Variants in OLFM1 observed in about 807,000 individuals in gnomAD.
OLFM1 encodes the protein olfactomedin 1, also known as noelin.
A neutral mutation model predicts 49.7 loss-of-function variants in OLFM1; 9 were observed. The observed-to-expected ratio is 0.18, with a 90% CI of 0.11 to 0.32. The LOEUF is 0.32. Among genes scored for constraint, OLFM1 ranks in the 10% least tolerant of loss-of-function variants. OLFM1 has a pLI of 1.00. For synonymous variants in OLFM1, 240 were observed against 271.8 expected (o/e 0.88, Z 1.15); for missense variants, 369 against 661.8 (o/e 0.56, Z 4.85).
Position 135,113,705 on chromosome 9 carries a change from G to A in OLFM1, c.784-5799G>A, listed in dbSNP as rs1168384417. Among the ~76,000 whole-genome samples the A allele has an allele frequency of 6.6e-6, 1 of 152,204 alleles. No individual in the cohort carries two copies. Among genetic ancestry groups the A allele is most frequent in the East Asian group, 1.9e-4 (1 of 5,190 alleles). On this transcript the variant is annotated intron_variant, in intron 5 of 5. Transcript: ENST00000371793. This position sits in a 1 kb window ranked among gnomAD's most constrained non-coding sequence, Gnocchi z 4.0. ...CCCACGGTGTGCCCTGAGCTGAGTG[G>A]GGGTGCTGGGTCACAGTGAGGCGGC...
At chr9:135,093,971 T>G (rs190756359) in intron 2 of OLFM1, among the ~76,000 whole-genome samples, 99 of 152,344 alleles carry the variant, frequency 6.5e-4, no homozygotes, top group African/African-American at 2.3e-3. Context: ...CTTTGAAATC[T>G]TTTAAAAGCA....
At chr9:135,116,327 CT>C (rs1660024561) in intron 5 of OLFM1, among the ~76,000 whole-genome samples, 1 of 152,182 alleles carries the variant, frequency 6.6e-6, no homozygotes, top group Non-Finnish European at 1.5e-5. Flanking sequence ...GCGGCCTCCC[CT>C]GAACCCTGCC....
At chr9:135,115,274 C>T (rs1564281011) in intron 5 of OLFM1, among the ~76,000 whole-genome samples, 1 of 152,226 alleles carries the variant, frequency 6.6e-6, no homozygotes, top group South Asian at 2.1e-4. Flanking sequence ...TTCAAACCCA[C>T]GTCCACATCC....
At chr9:135,114,309 C>T (rs1202515147) in intron 5 of OLFM1, among the ~76,000 whole-genome samples, 6 of 151,634 alleles carry the variant, frequency 4.0e-5, no homozygotes, top group East Asian at 3.9e-4. Context: ...TTAGTAGAGA[C>T]GAGGTTTCAC....
intron 2 of OLFM1, among the ~76,000 whole-genome samples, chr9:135,090,800 G>T (rs1830675593): frequency 1.3e-5 from 2 of 152,172 alleles, no homozygotes; most frequent in South Asian, 4.1e-4. Context: ...TGGCCATTTG[G>T]ATTTTACGAG....
chr9:135,083,352 C>T (rs527395094), upstream of OLFM1, among the ~76,000 whole-genome samples: 55 of 152,246 alleles, frequency 3.6e-4, no homozygotes, highest in Non-Finnish European at 7.4e-4. Flanking sequence ...ATGAAAGAGG[C>T]GTGGAACCTG....
At chr9:135,075,515 G>A, upstream of OLFM1, 1 of 397,420 alleles carries the variant, frequency 2.5e-6, no homozygotes, top group Non-Finnish European at 4.4e-6. Context: ...AGACGCGCCG[G>A]AACCGGGACG....
chr9:135,109,602 G>A (rs570415106), intron 5 of OLFM1, among the ~76,000 whole-genome samples: 2 of 152,222 alleles, frequency 1.3e-5, no homozygotes, highest in East Asian at 3.9e-4. Context: ...TGTGCTAAGT[G>A]ACATGTCCCC....
chr9:135,119,328 GA>G (rs1202769583), intron 5 of OLFM1, among the ~76,000 whole-genome samples, 175 bp from the exon 6 acceptor site: 3 of 139,180 alleles, frequency 2.2e-5, no homozygotes, highest in African/African-American at 8.2e-5. Flanking sequence ...TGGATCTTTG[GA>G]AGTGCTCACG....
intron 2 of OLFM1, among the ~76,000 whole-genome samples, chr9:135,091,577 T>TCA (rs796534897): frequency 0.045 from 2,660 of 59,674 alleles, 87 homozygotes; most frequent in African/African-American, 0.12. Flanking sequence ...ACACACACAG[T>TCA]CACACACTCA....
chr9:135,115,576 T>C (rs1365322333), intron 5 of OLFM1, among the ~76,000 whole-genome samples: 2 of 152,234 alleles, frequency 1.3e-5, no homozygotes, highest in African/African-American at 2.4e-5. Flanking sequence ...CAGGGGGCTG[T>C]TGGTGTGTGG....
Position 135,113,832 on chromosome 9 carries a change from G to C in OLFM1, c.784-5672G>C, listed in dbSNP as rs1291636561. 6.6e-6 allele frequency among the ~76,000 whole-genome samples: 1 copy of C among 152,228 alleles called. No homozygotes were observed. Among genetic ancestry groups the C allele is most frequent in the Non-Finnish European group, 1.5e-5 (1 of 68,042 alleles). ...GAGGTGCCCTGTGGCTGCTGCAGGA[G>C]CTCCCACAGCCTGGGGGGCACCACA... On this transcript the variant is annotated intron_variant, in intron 5 of 5. Transcript: ENST00000371793. The surrounding 1 kb of genome is among the most constrained non-coding windows in gnomAD (Gnocchi z 4.0).
chr9:135,092,815 C>T (rs2119109801), intron 2 of OLFM1, among the ~76,000 whole-genome samples: 1 of 152,342 alleles, frequency 6.6e-6, no homozygotes, highest in Admixed American at 6.5e-5. Context: ...TTTCAGAGGG[C>T]ATGAGCCATT....
At chr9:135,108,355 C>G (rs1016803159) in intron 5 of OLFM1, among the ~76,000 whole-genome samples, 8 of 152,078 alleles carry the variant, frequency 5.3e-5, no homozygotes, top group Admixed American at 5.2e-4. Context: ...AAAGCAGGCC[C>G]GGGCACAGTG....
chr9:135,083,334 C>T (rs1039642800), upstream of OLFM1, among the ~76,000 whole-genome samples: 9 of 152,088 alleles, frequency 5.9e-5, no homozygotes, highest in African/African-American at 1.7e-4. Context: ...CAGGCTGAGA[C>T]GATATCCATG....
In OLFM1 at chr9:135,087,960, G is replaced by C. The variant is rs763887582; in HGVS notation, c.-30G>C. 1.4e-6 allele frequency: 2 copies of C among 1,409,928 alleles called. No homozygotes were observed. Among genetic ancestry groups the C allele is most frequent in the South Asian group, 2.9e-5 (2 of 68,334 alleles). 87.3% of individuals were successfully genotyped at this position (1,409,928 alleles called of 1,614,324 possible). ...GGGCGCGGGAGCCGGTGCCAGCTCG[G>C]AGCGGGCGCTGGAGGCAGCTCGAGG... On this transcript the variant is annotated 5_prime_UTR_variant, in exon 1 of 6. Coordinates refer to ENST00000371793, the MANE Select transcript of OLFM1 (RefSeq NM_001282611.2).
intron 1 of OLFM1, chr9:135,077,301 T>C: frequency 7.0e-7 from 1 of 1,431,440 alleles, no homozygotes; most frequent in Non-Finnish European, 9.1e-7. Context: ...TTCTGGGTGG[T>C]CCTGGACATG....
rs1433769244 is a variant in OLFM1, at chr9:135,098,156, C to T, written c.457-130C>T. On this transcript the variant is annotated intron_variant, in intron 3 of 5. Transcript: ENST00000371793. This position sits in a 1 kb window ranked among gnomAD's most constrained non-coding sequence, Gnocchi z 5.6. ...ATATGCTCTTCTAACTCATTTGGAC[C>T]AGAACAAATAAGCCTGTAAATAAAG... 6.9e-7 allele frequency: 1 copy of T among 1,440,540 alleles called. No individual in the cohort carries two copies. Among genetic ancestry groups the T allele is most frequent in the African/African-American group, 1.4e-5 (1 of 69,752 alleles). 89.2% of individuals were successfully genotyped at this position (1,440,540 alleles called of 1,614,324 possible).
At position 135,076,456 on chromosome 9, in the gene OLFM1, T is replaced by A. The variant is rs1830467656; in HGVS notation, c.96+654T>A. 2.0e-5 allele frequency: 29 copies of A among 1,422,176 alleles called. No individual in the cohort carries two copies. In the South Asian group the frequency reaches 4.2e-4, roughly 21 times the overall value. 88.1% of individuals were successfully genotyped at this position (1,422,176 alleles called of 1,614,324 possible). On this transcript the variant is annotated intron_variant, in intron 1 of 5. Transcript: ENST00000252854. ...GTGGGCATTTCAAACGGGCTTGTCG[T>A]ACCCTGAACAATGTATCAATAGAGA...
Sources: gnomAD v4.1 joint callset for allele counts (sites outside exome capture counted in the v4.1 genomes callset) on GRCh38, gnomAD v4.1.1 for gene constraint, Gnocchi (gnomAD v3.1) non-coding constraint, MANE v1.5 for transcripts, NCBI Gene and HGNC (gene_info 2026-07-23, HGNC 2026-07-21) for gene names.